MYO18B: variants seen among roughly 807,000 people sequenced by gnomAD.
MYO18B encodes myosin XVIIIB, also known as unconventional myosin-XVIIIb.
Under a neutral mutation model 273.0 loss-of-function variants are expected in MYO18B, and 204 were observed. That is an observed-to-expected ratio of 0.75 (90% confidence interval 0.67 to 0.84). MYO18B has a LOEUF of 0.84. Among genes scored for constraint, MYO18B ranks in the 40% least tolerant of loss-of-function variants. The probability of loss-of-function intolerance (pLI) is 0.00; values close to 1 mark genes in which losing one functional copy is unlikely to be tolerated. For synonymous variants in MYO18B, 1,330 were observed against 1,305.7 expected, an observed-to-expected ratio of 1.02 and a Z score of -0.40; for missense variants, 3,212 against 3,287.6, an observed-to-expected ratio of 0.98 and a Z score of 0.56.
intron 13 of MYO18B, among the ~76,000 whole-genome samples, chr22:25,824,246 C>G (rs2089402801): frequency 1.3e-5 from 2 of 152,026 alleles, no homozygotes; most frequent in African/African-American, 2.4e-5. Flanking sequence ...GACAGGAGAC[C>G]CACTGGGAAC....
rs200655720 is a variant in MYO18B at position 25,756,091 on chromosome 22, G to GT, written c.-109-4890dup. On this transcript the variant is annotated intron_variant, in intron 1 of 43. Coordinates refer to ENST00000335473, the MANE Select transcript of MYO18B (RefSeq NM_032608.7). ...TTTTTGTATTTTTAGTAGAGATGGGGTTTCACCGTGTTAGCCAGGATGGTC... is the reference window on the plus strand; with the variant it reads ...TTTTTGTATTTTTAGTAGAGATGGGGTTTTCACCGTGTTAGCCAGGATGGTC... 8.7e-3 allele frequency among the ~76,000 whole-genome samples: 1,323 copies of GT among 152,094 alleles called. 17 individuals carry two copies. Among genetic ancestry groups the GT allele is most frequent in the African/African-American group, 0.029 (1,211 of 41,480 alleles).
chr22:26,032,933 AATT>A (rs1237289016), downstream of MYO18B, among the ~76,000 whole-genome samples: 1 of 152,190 alleles, frequency 6.6e-6, no homozygotes, highest in Admixed American at 6.5e-5. Flanking sequence ...GTGGTGATTT[AATT>A]ATTATTATCA....
Position 25,876,339 on chromosome 22 carries a change from C to G in MYO18B, c.4224+7C>G, listed in dbSNP as rs2091196652. On this transcript the variant is annotated splice_region_variant and intron_variant, in intron 24 of 43. Coordinates refer to ENST00000335473, the MANE Select transcript of MYO18B (RefSeq NM_032608.7). ...GCAGCTCCGAGCCAAGGAGGTCAGTCTATGTGGCAGGCAGGGTGCTGGGTG... is the reference window on the plus strand; with the variant it reads ...GCAGCTCCGAGCCAAGGAGGTCAGTGTATGTGGCAGGCAGGGTGCTGGGTG... 2 of 1,604,628 alleles carry G rather than the reference C, an allele frequency of 1.2e-6. No individual in the cohort carries two copies. The highest frequency in any genetic ancestry group is 1.7e-6 in the Non-Finnish European group (2 of 1,174,010).
At chr22:25,850,853 A>G (rs944667750) in intron 20 of MYO18B, among the ~76,000 whole-genome samples, 14 of 152,230 alleles carry the variant, frequency 9.2e-5, no homozygotes, top group African/African-American at 3.1e-4. Context: ...ATACCAAGTT[A>G]TTTTGGAAAA....
At chr22:25,756,198 T>G (rs73398041) in intron 1 of MYO18B, 30,772 of 152,282 alleles carry the variant, frequency 0.2, 4,573 homozygotes, top group East Asian at 0.42. Flanking sequence ...CTGGCCAAAC[T>G]TTTTTCTTTA....
chr22:25,845,713 G>A (rs1436200536), intron 18 of MYO18B, among the ~76,000 whole-genome samples: 1 of 152,218 alleles, frequency 6.6e-6, no homozygotes. Flanking sequence ...GAAACACATG[G>A]CACGTGCCTA....
At chr22:25,769,903 T>C in intron 4 of MYO18B, 1 of 582,094 alleles carries the variant, frequency 1.7e-6, no homozygotes, top group Non-Finnish European at 3.1e-6. Context: ...TCACCCAGGC[T>C]AGATGGTGCA....
chr22:26,043,808 C>A, the MYO18B span, among the ~76,000 whole-genome samples: 1 of 152,102 alleles, frequency 6.6e-6, no homozygotes, highest in Admixed American at 6.5e-5. Context: ...TAAGCCACTG[C>A]ACCCGGCCTT....
chr22:25,960,485 C>T (rs564090731), intron 39 of MYO18B, among the ~76,000 whole-genome samples: 8 of 152,240 alleles, frequency 5.3e-5, no homozygotes, highest in African/African-American at 1.2e-4. Context: ...CCTGATTCTC[C>T]GGTTTTGACT....
rs138410625 is a variant in MYO18B at position 25,754,880 on chromosome 22, G to A, written c.-109-6104G>A. ...CCCTCTGGGAAGGCTGGCAGCCTCA[G>A]GGCTAAGGACAGCCCCTACGACAGC... On this transcript the variant is annotated intron_variant, in intron 1 of 43. Transcript: ENST00000335473. Among the ~76,000 whole-genome samples the A allele has an allele frequency of 7.1e-3, 1,088 of 152,314 alleles. 6 individuals carry two copies. The highest frequency in any genetic ancestry group is 0.024 in the African/African-American group (1,013 of 41,576).
chr22:25,782,741 G>C (rs1185193758), intron 10 of MYO18B, among the ~76,000 whole-genome samples: 2 of 152,162 alleles, frequency 1.3e-5, no homozygotes, highest in African/African-American at 4.8e-5. Context: ...CCTGTCTGGA[G>C]TGTCCTGGCT....
intron 12 of MYO18B, among the ~76,000 whole-genome samples, chr22:25,822,590 G>T (rs534643146): frequency 0.017 from 2,589 of 152,334 alleles, 45 homozygotes; most frequent in East Asian, 0.066. Flanking sequence ...ACAGTAAGCA[G>T]ATGGCTAGTT....
chr22:26,027,788 G>A lies in MYO18B; in HGVS notation c.*12+98G>A, dbSNP rs184912390. The A allele has an allele frequency of 3.4e-4, 444 of 1,296,132 alleles. No homozygotes were observed. The Middle Eastern group carries it at 6.4e-3, about 19-fold the overall frequency. 80.3% of individuals were successfully genotyped at this position (1,296,132 alleles called of 1,614,324 possible). The stretch of plus-strand genomic sequence containing the variant: ...CACTACTGTCCTTAATGCCACAACC[G>A]ATTTCTCTAGAGACCAAGATTTTTA... On this transcript the variant is annotated intron_variant, in intron 43 of 43. Transcript: ENST00000335473. This position sits in a 1 kb window ranked among gnomAD's most constrained non-coding sequence, Gnocchi z 4.1.
chr22:25,805,271 A>G (rs1186678478), intron 12 of MYO18B, among the ~76,000 whole-genome samples: 1 of 152,208 alleles, frequency 6.6e-6, no homozygotes, highest in Non-Finnish European at 1.5e-5. Flanking sequence ...CCACTTGCCC[A>G]GGGCACACAA....
rs544065008 is a variant in MYO18B, at chr22:25,908,314, C to T, written c.5149-8C>T. 6.8e-5 allele frequency: 106 copies of T among 1,567,248 alleles called. 1 individual carries two copies. In the South Asian group the frequency reaches 1.2e-3, roughly 18 times the overall value. ...CACCCTCACGTGCTGTCCTTGCTGC[C>T]CCCGCAGCTCCGCCAGCGGTTTGAG... On this transcript the variant is annotated splice_region_variant and splice_polypyrimidine_tract_variant and intron_variant, in intron 31 of 43. Transcript: ENST00000335473.
At chr22:25,926,789 C>T (rs1316932723) in intron 34 of MYO18B, among the ~76,000 whole-genome samples, 1 of 152,170 alleles carries the variant, frequency 6.6e-6, no homozygotes, top group African/African-American at 2.4e-5. Flanking sequence ...CTATAACAAG[C>T]AGAGTGATAA....
chr22:25,841,437 G>C lies in MYO18B; in HGVS notation c.3209-2298G>C, dbSNP rs369950593. On this transcript the variant is annotated intron_variant, in intron 17 of 43. Coordinates refer to ENST00000335473, the MANE Select transcript of MYO18B (RefSeq NM_032608.7). ...CAAGCAGGCCTGGAAGCTGGGTACT[G>C]TTTTCCAGGACATTGCCTGAGAAAT... Among the ~76,000 whole-genome samples, 12 of 151,934 alleles carry C rather than the reference G, an allele frequency of 7.9e-5. 1 individual carries two copies. The East Asian group carries it at 1.3e-3, about 16-fold the overall frequency.
intron 25 of MYO18B, among the ~76,000 whole-genome samples, chr22:25,887,990 T>C (rs568763486): frequency 6.6e-6 from 1 of 152,140 alleles, no homozygotes; most frequent in South Asian, 2.1e-4. Flanking sequence ...GGGTGTGACC[T>C]GGGGCATTCC....
At chr22:25,921,449 G>A in intron 34 of MYO18B, 40 bp downstream of exon 34, 2 of 1,578,302 alleles carry the variant, frequency 1.3e-6, no homozygotes, top group South Asian at 2.3e-5. Flanking sequence ...AGGCTGGGGA[G>A]GATGCTACGA....
Sources: allele counts gnomAD v4.1 joint callset (sites outside exome capture counted in the v4.1 genomes callset), GRCh38; gene constraint gnomAD v4.1.1; non-coding constraint Gnocchi (gnomAD v3.1); transcripts MANE v1.5; gene names NCBI Gene and HGNC (gene_info 2026-07-23, HGNC 2026-07-21).